The following PTCHD4 variants were observed in gnomAD, a reference collection of about 807,000 sequenced individuals.
PTCHD4 encodes the protein patched domain-containing protein 4.
A neutral mutation model predicts 58.1 loss-of-function variants in PTCHD4; 33 were observed. The ratio of observed to expected loss-of-function variants is 0.57; its 90% CI spans 0.43 to 0.76. The LOEUF is 0.76. PTCHD4 is among the 30% of genes least tolerant of loss of function. PTCHD4 has a pLI of 0.00. For synonymous variants in PTCHD4, 478 were observed against 409.6 expected (o/e 1.17, Z -2.02); for missense variants, 1,058 against 1,027.1 (o/e 1.03, Z -0.41).
At chr6:48,047,881 A>G (rs552479230) in intron 3 of PTCHD4, among the ~76,000 whole-genome samples, 1 of 151,990 alleles carries the variant, frequency 6.6e-6, no homozygotes, top group Non-Finnish European at 1.5e-5. Context: ...TGTTTAAGTC[A>G]TTCTGTCTAT....
At chr6:48,064,926 C>T (rs1030162827) in intron 3 of PTCHD4, among the ~76,000 whole-genome samples, 1 of 152,078 alleles carries the variant, frequency 6.6e-6, no homozygotes, top group African/African-American at 2.4e-5. Context: ...CTTTTGAAAT[C>T]GTGTATATGT....
intron 3 of PTCHD4, among the ~76,000 whole-genome samples, chr6:48,016,098 T>C (rs1762858420): frequency 6.6e-6 from 1 of 151,998 alleles, no homozygotes; most frequent in Non-Finnish European, 1.5e-5. Flanking sequence ...TATGTTTCTT[T>C]TTCATTTTTG....
At chr6:48,095,459 G>A (rs779763789) in intron 1 of PTCHD4, among the ~76,000 whole-genome samples, 7 of 152,228 alleles carry the variant, frequency 4.6e-5, no homozygotes, top group Non-Finnish European at 8.8e-5. Context: ...CAAGGCGGGC[G>A]GATCTTGAGG....
intron 1 of PTCHD4, among the ~76,000 whole-genome samples, chr6:48,081,475 C>T (rs534076704): frequency 2.6e-5 from 4 of 152,232 alleles, no homozygotes; most frequent in African/African-American, 4.8e-5. Context: ...ACTTTAGCCT[C>T]CTCATCTGTA....
At chr6:47,934,116 G>C (rs745919610) in intron 4 of PTCHD4, among the ~76,000 whole-genome samples, 1 of 152,118 alleles carries the variant, frequency 6.6e-6, no homozygotes, top group Non-Finnish European at 1.5e-5. Flanking sequence ...CCAGGTGGGA[G>C]GGGGTCCCAG....
At chr6:48,063,807 C>T (rs752313731) in intron 3 of PTCHD4, among the ~76,000 whole-genome samples, 6 of 152,108 alleles carry the variant, frequency 3.9e-5, no homozygotes, top group Non-Finnish European at 5.9e-5. Context: ...ATACCTTATA[C>T]GGTTTTAGAA....
intron 4 of PTCHD4, among the ~76,000 whole-genome samples, chr6:47,959,321 A>T (rs1219343362): frequency 6.6e-6 from 1 of 152,204 alleles, no homozygotes; most frequent in Non-Finnish European, 1.5e-5. Flanking sequence ...CTGATTAGAC[A>T]TTGCAGAAGA....
intron 3 of PTCHD4, among the ~76,000 whole-genome samples, chr6:48,020,925 A>T (rs1439523520): frequency 6.6e-6 from 1 of 152,044 alleles, no homozygotes; most frequent in African/African-American, 2.4e-5. Context: ...ACAAAATTTG[A>T]TTGACTCACC....
At chr6:47,888,699 C>A (rs1002853387) in intron 4 of PTCHD4, among the ~76,000 whole-genome samples, 1 of 151,290 alleles carries the variant, frequency 6.6e-6, no homozygotes, top group Non-Finnish European at 1.5e-5. Flanking sequence ...GGTACATGTG[C>A]ACATTGTGCA....
At chr6:48,065,487 A>C (rs1250765141) in intron 3 of PTCHD4, among the ~76,000 whole-genome samples, 1 of 152,182 alleles carries the variant, frequency 6.6e-6, no homozygotes, top group Non-Finnish European at 1.5e-5. Flanking sequence ...GTGTATTAGC[A>C]TCATAGAGGC....
At chr6:48,102,588 T>G (rs1476795611) in intron 1 of PTCHD4, among the ~76,000 whole-genome samples, 1 of 152,176 alleles carries the variant, frequency 6.6e-6, no homozygotes, top group Non-Finnish European at 1.5e-5. Flanking sequence ...CGGGTTCATC[T>G]CACAGGGGAG....
intron 3 of PTCHD4, among the ~76,000 whole-genome samples, chr6:48,029,558 CT>C (rs1763364968): frequency 2.0e-5 from 3 of 152,142 alleles, no homozygotes; most frequent in African/African-American, 7.2e-5. Flanking sequence ...TAAATAATCC[CT>C]TCCTTTTCTT....
At chr6:47,881,387 C>A (rs556301272) in intron 4 of PTCHD4, among the ~76,000 whole-genome samples, 3 of 152,118 alleles carry the variant, frequency 2.0e-5, no homozygotes, top group African/African-American at 7.2e-5. Context: ...AGAGGTGTTT[C>A]ATGTGACATA....
chr6:47,965,767 A>T (rs577538505), intron 4 of PTCHD4, among the ~76,000 whole-genome samples: 2 of 152,184 alleles, frequency 1.3e-5, no homozygotes, highest in African/African-American at 4.8e-5. Context: ...TCTCTACTAA[A>T]ACTACAAAAA....
At chr6:47,996,080 T>C (rs968668902) in intron 4 of PTCHD4, among the ~76,000 whole-genome samples, 7 of 152,222 alleles carry the variant, frequency 4.6e-5, no homozygotes. Context: ...CAAACTTTTA[T>C]ATATTTTTTT....
intron 4 of PTCHD4, among the ~76,000 whole-genome samples, chr6:47,896,376 T>C (rs2022334): frequency 0.74 from 111,942 of 152,098 alleles, 41,398 homozygotes; most frequent in East Asian, 0.84. Flanking sequence ...ATAAGTTTAC[T>C]GAGTCTATGA....
intron 4 of PTCHD4, among the ~76,000 whole-genome samples, chr6:47,880,704 C>A (rs896951129): frequency 6.6e-6 from 1 of 152,056 alleles, no homozygotes; most frequent in African/African-American, 2.4e-5. Context: ...TGTTTTAAAC[C>A]AATGTTTGTG....
intron 1 of PTCHD4, among the ~76,000 whole-genome samples, chr6:48,083,655 TAG>T (rs756470030): frequency 3.3e-5 from 5 of 152,030 alleles, no homozygotes. Flanking sequence ...CAAAATAAGT[TAG>T]AGAGATTAGA....
intron 3 of PTCHD4, among the ~76,000 whole-genome samples, chr6:48,046,899 T>C (rs1453662151): frequency 2.0e-5 from 3 of 151,838 alleles, no homozygotes; most frequent in African/African-American, 4.8e-5. Flanking sequence ...TCAGGTTATA[T>C]TCCTAACTTC....
Sources: allele counts gnomAD v4.1 joint callset (sites outside exome capture counted in the v4.1 genomes callset), GRCh38; gene constraint gnomAD v4.1.1; transcripts MANE v1.5; gene names NCBI Gene and HGNC (gene_info 2026-07-23, HGNC 2026-07-21).